The following AGK variants were observed in gnomAD, a reference collection of about 807,000 sequenced individuals.
The protein encoded by AGK is acylglycerol kinase, mitochondrial.
In AGK, 52 loss-of-function variants were observed where a neutral mutation model predicts 66.4. The ratio of observed to expected loss-of-function variants is 0.78; its 90% CI spans 0.63 to 0.99. AGK has a LOEUF of 0.99. AGK is among the 50% of genes least tolerant of loss of function. AGK has a pLI of 0.00. For missense variants in AGK, 451 were observed against 506.6 expected (o/e 0.89, Z 1.05); for synonymous variants, 182 against 181.1 (o/e 1.00, Z -0.04).
chr7:141,629,705 A>G (rs1049046447), intron 9 of AGK, among the ~76,000 whole-genome samples: 1 of 152,182 alleles, frequency 6.6e-6, no homozygotes, highest in African/African-American at 2.4e-5. Context: ...TTGCTAGGAT[A>G]CAGCACTCCA....
At chr7:141,597,828 C>T (rs1796257740) in intron 4 of AGK, among the ~76,000 whole-genome samples, 1 of 131,774 alleles carries the variant, frequency 7.6e-6, no homozygotes, top group Non-Finnish European at 1.5e-5. Context: ...GAGGTCGAGG[C>T]TGTAGTGAGC....
rs1242803863 is a variant in AGK at position 141,655,074 on chromosome 7, A to T, written c.*2150A>T. On this transcript the variant is annotated 3_prime_UTR_variant, in exon 16 of 16. Coordinates refer to ENST00000649286, the MANE Select transcript of AGK (RefSeq NM_018238.4). ...TTTAGCATATCGTGGTTCTGTAACA[A>T]TATCAAGGACCAGTGCAGAATCTGG... The T allele has an allele frequency of 6.6e-6, 1 of 152,232 alleles. No individual in the cohort carries two copies. Among genetic ancestry groups the T allele is most frequent in the African/African-American group, 2.4e-5 (1 of 41,456 alleles). 9.4% of individuals were successfully genotyped at this position (152,232 alleles called of 1,614,324 possible).
intron 5 of AGK, among the ~76,000 whole-genome samples, chr7:141,609,131 A>G (rs895450950): frequency 6.6e-6 from 1 of 152,194 alleles, no homozygotes; most frequent in Non-Finnish European, 1.5e-5. Flanking sequence ...CTCTGTGTTC[A>G]CTGTGAATTA....
At chr7:141,645,022 C>T (rs1797379786) in intron 13 of AGK, among the ~76,000 whole-genome samples, 1 of 152,104 alleles carries the variant, frequency 6.6e-6, no homozygotes, top group East Asian at 1.9e-4. Flanking sequence ...TACACAGTCT[C>T]TTGGCTATTC....
At chr7:141,572,543 A>C (rs1469606867) in intron 2 of AGK, among the ~76,000 whole-genome samples, 1 of 152,186 alleles carries the variant, frequency 6.6e-6, no homozygotes, top group East Asian at 1.9e-4. Context: ...GGTTAGTTGC[A>C]AGGATTAAAT....
intron 2 of AGK, among the ~76,000 whole-genome samples, chr7:141,567,410 A>T (rs983349878): frequency 6.6e-6 from 1 of 152,076 alleles, no homozygotes; most frequent in Non-Finnish European, 1.5e-5. Flanking sequence ...TGGAGGTTCT[A>T]TTCCATTTTT....
chr7:141,592,743 G>A (rs554835309), intron 2 of AGK, among the ~76,000 whole-genome samples: 10 of 151,706 alleles, frequency 6.6e-5, no homozygotes, highest in African/African-American at 2.2e-4. Context: ...TCGCTCTGTC[G>A]CCCGGGCTGG....
In AGK at chr7:141,598,191, A is replaced by T. The variant is rs1796269194; in HGVS notation, c.221+1550A>T. ...CAGTGGTTTAATTCAGATTGTCTAAACAGACTATTCTGCCTAACTGAATCA... is the reference window on the plus strand; with the variant it reads ...CAGTGGTTTAATTCAGATTGTCTAATCAGACTATTCTGCCTAACTGAATCA... On this transcript the variant is annotated intron_variant, in intron 4 of 15. Coordinates refer to ENST00000649286, the MANE Select transcript of AGK (RefSeq NM_018238.4). This position sits in a 1 kb window ranked among gnomAD's most constrained non-coding sequence, Gnocchi z 4.2. 6.6e-6 allele frequency among the ~76,000 whole-genome samples: 1 copy of T among 152,140 alleles called. No homozygotes were observed. The highest frequency in any genetic ancestry group is 1.5e-5 in the Non-Finnish European group (1 of 68,016).
chr7:141,641,959 A>G, intron 13 of AGK, 51 bp downstream of exon 13: 1 of 1,414,912 alleles, frequency 7.1e-7, no homozygotes, highest in Non-Finnish European at 9.8e-7. Flanking sequence ...GAAAAGTGAC[A>G]ATAGCTATAG....
At chr7:141,625,301 T>C (rs1796912594) in intron 9 of AGK, among the ~76,000 whole-genome samples, 1 of 152,204 alleles carries the variant, frequency 6.6e-6, no homozygotes, top group Non-Finnish European at 1.5e-5. Context: ...AGAATTGCTC[T>C]CTATCTCCTC....
At chr7:141,627,347 A>G (rs1470257547) in intron 9 of AGK, among the ~76,000 whole-genome samples, 2 of 152,160 alleles carry the variant, frequency 1.3e-5, no homozygotes, top group African/African-American at 2.4e-5. Flanking sequence ...AAATAACCCT[A>G]TAAATAGTGA....
At chr7:141,571,637 G>A (rs1259327169) in intron 2 of AGK, among the ~76,000 whole-genome samples, 1 of 152,184 alleles carries the variant, frequency 6.6e-6, no homozygotes, top group Non-Finnish European at 1.5e-5. Context: ...ATCCATGAAA[G>A]TTAAGAAGGA....
intron 12 of AGK, 145 bp from the exon 13 acceptor site, chr7:141,641,666 T>G: frequency 5.4e-6 from 4 of 739,880 alleles, no homozygotes; most frequent in Non-Finnish European, 8.9e-6. Context: ...TACCTCTATG[T>G]ATAAGAAGCA....
At position 141,628,949 on chromosome 7, in the gene AGK, A is replaced by T. The variant is rs1474623170; in HGVS notation, c.589-4952A>T. Among the ~76,000 whole-genome samples the T allele has an allele frequency of 2.0e-5, 3 of 152,118 alleles. No individual in the cohort carries two copies. The South Asian group carries it at 6.2e-4, about 32-fold the overall frequency. On this transcript the variant is annotated intron_variant, in intron 9 of 15. Coordinates refer to ENST00000649286, the MANE Select transcript of AGK (RefSeq NM_018238.4). ...GTAGCTTTTTCTTTTTGTTTTTTCA[A>T]CTAGATTCTTAAGACCCTGCCAACC...
In AGK at chr7:141,636,963, C is replaced by A. The variant is rs771945804; in HGVS notation, c.672C>A (p.Tyr224Ter). Residue 224 changes from tyrosine (Y) to a stop codon, truncating the protein, a stop_gained, in exon 11 of 16, where the codon TAC becomes TAA. Coordinates refer to ENST00000649286, the MANE Select transcript of AGK (RefSeq NM_018238.4). LOFTEE classifies it high-confidence loss of function. Reference sequence around the variant, plus strand: ...TTTTATCTTGGTCTTTTCACAGGTACTGGTATCTTGGGCCTCTAAAAATCA... The same window carrying A: ...TTTTATCTTGGTCTTTTCACAGGTAATGGTATCTTGGGCCTCTAAAAATCA... ...FRDAGVKVSK[Y>*]WYLGPLKIKA... 8.1e-6 allele frequency: 13 copies of A among 1,611,906 alleles called. No individual in the cohort carries two copies. Among genetic ancestry groups the A allele is most frequent in the Admixed American group, 1.7e-5 (1 of 59,932 alleles).
intron 2 of AGK, among the ~76,000 whole-genome samples, chr7:141,590,085 T>G (rs987114580): frequency 1.3e-5 from 2 of 152,174 alleles, no homozygotes; most frequent in Non-Finnish European, 1.5e-5. Context: ...AATCACAAGC[T>G]AATAATCAGA....
rs1184799581 is a variant in AGK, at chr7:141,597,876, G to A, written c.221+1235G>A. Among the ~76,000 whole-genome samples, 8 of 115,786 alleles carry A rather than the reference G, an allele frequency of 6.9e-5. No homozygotes were observed. The South Asian group carries it at 2.3e-3, about 33-fold the overall frequency. 76.0% of individuals were successfully genotyped at this position (115,786 alleles called of 152,430 possible). On this transcript the variant is annotated intron_variant, in intron 4 of 15. Transcript: ENST00000649286. ...ACTGCAGTCCAGCCTGGGCAATAGA[G>A]TGAGACTCTGTCTCAAAAAAAAAAA...
At chr7:141,630,520 A>G (rs1030076484) in intron 9 of AGK, among the ~76,000 whole-genome samples, 5 of 152,174 alleles carry the variant, frequency 3.3e-5, no homozygotes, top group African/African-American at 1.2e-4. Context: ...AACATATACA[A>G]GTGTGATTTA....
rs545589238 is a variant in AGK at position 141,651,451 on chromosome 7, G to A, written c.1047-74G>A. 7.9e-5 allele frequency: 96 copies of A among 1,213,474 alleles called. No homozygotes were observed. In the East Asian group the frequency reaches 1.7e-3, roughly 21 times the overall value. 75.2% of individuals were successfully genotyped at this position (1,213,474 alleles called of 1,614,324 possible). On this transcript the variant is annotated intron_variant, in intron 14 of 15. Transcript: ENST00000649286. Reference sequence around the variant, plus strand: ...ATGTAAGCTCATAAAAAGGGGGAAAGAAGTTGCTACATTGTTGCAACCTAG... The same window carrying A: ...ATGTAAGCTCATAAAAAGGGGGAAAAAAGTTGCTACATTGTTGCAACCTAG...
Sources: allele counts gnomAD v4.1 joint callset (sites outside exome capture counted in the v4.1 genomes callset), GRCh38; gene constraint gnomAD v4.1.1; non-coding constraint Gnocchi (gnomAD v3.1); transcripts MANE v1.5; gene names NCBI Gene and HGNC (gene_info 2026-07-23, HGNC 2026-07-21).